The following OR11G2 variants were observed in gnomAD, a reference collection of about 807,000 sequenced individuals.
OR11G2 encodes olfactory receptor 11G2.
OR11G2 carries 2 observed loss-of-function variants against 0.9 expected under a neutral mutation model. That is an observed-to-expected ratio of 2.35 (90% CI 0.96 to 7.38). The LOEUF is 7.38. Ranked by LOEUF, OR11G2 falls within the 30% of genes most tolerant of loss-of-function variation. OR11G2 has a pLI of 0.05. For missense variants in OR11G2, 395 were observed against 371.3 expected (o/e 1.06, Z -0.52); for synonymous variants, 153 against 142.0 (o/e 1.08, Z -0.55).
At chr14:20,195,949 G>T (rs982967614) in intron 1 of OR11G2, among the ~76,000 whole-genome samples, 16 of 152,162 alleles carry the variant, frequency 1.1e-4, no homozygotes, top group African/African-American at 3.9e-4. Context: ...CTCAGCTAAA[G>T]AATAATAATT....
chr14:20,196,683 T>C (rs1879758691), intron 1 of OR11G2, among the ~76,000 whole-genome samples: 1 of 152,212 alleles, frequency 6.6e-6, no homozygotes, highest in Non-Finnish European at 1.5e-5. Flanking sequence ...TAGAATTATA[T>C]CTTTAACTAT....
intron 1 of OR11G2, among the ~76,000 whole-genome samples, chr14:20,192,243 A>T (rs1026528861): frequency 3.3e-5 from 5 of 152,158 alleles, no homozygotes; most frequent in African/African-American, 1.2e-4. Context: ...TCACCTCTAG[A>T]TCCATAAAGT....
At chr14:20,197,290 C>T in intron 1 of OR11G2, 144 bp from the exon 2 acceptor site, 3 of 1,054,436 alleles carry the variant, frequency 2.8e-6, no homozygotes, top group Admixed American at 2.7e-5. Context: ...ATTGACATAT[C>T]TGCATTCTGT....
Position 20,198,123 on chromosome 14 carries a change from T to C in OR11G2, c.686T>C (p.Val229Ala), listed in dbSNP as rs2139115106. The C allele has an allele frequency of 6.2e-7, 1 of 1,614,142 alleles. No homozygotes were observed. Among genetic ancestry groups the C allele is most frequent in the Non-Finnish European group, 8.5e-7 (1 of 1,180,008 alleles). Residue 229 changes from valine to alanine, a missense_variant, in exon 2 of 2, where the codon GTG becomes GCG. Physicochemically the swap from Val to Ala is moderately conservative, Grantham distance 64 (BLOSUM62 0). Transcript: ENST00000641879. ...VGSYALVVRA[V>A]LRVPSAAGRR... ...TCCTATGCTCTGGTCGTGAGAGCTGTGTTGAGGGTCCCTTCAGCAGCTGGG... is the reference window on the plus strand; with the variant it reads ...TCCTATGCTCTGGTCGTGAGAGCTGCGTTGAGGGTCCCTTCAGCAGCTGGG...
chr14:20,195,222 TACAAATG>T (rs1267567412), intron 1 of OR11G2, among the ~76,000 whole-genome samples: 2 of 152,148 alleles, frequency 1.3e-5, no homozygotes, highest in African/African-American at 4.8e-5. Context: ...AATCCTGAGT[TACAAATG>T]ACCTATAGGG....
At chr14:20,192,728 G>A (rs1879677786) in intron 1 of OR11G2, among the ~76,000 whole-genome samples, 1 of 152,160 alleles carries the variant, frequency 6.6e-6, no homozygotes, top group African/African-American at 2.4e-5. Flanking sequence ...CTATAACAGT[G>A]TAGACAATCA....
At position 20,200,592 on chromosome 14, in the gene OR11G2, G is replaced by A. The variant is rs1368591214; in HGVS notation, c.*2219G>A. 1 of 152,184 alleles carries A rather than the reference G, an allele frequency of 6.6e-6. No individual in the cohort carries two copies. The highest frequency in any genetic ancestry group is 1.5e-5 in the Non-Finnish European group (1 of 68,028). 9.4% of individuals were successfully genotyped at this position (152,184 alleles called of 1,614,324 possible). On this transcript the variant is annotated 3_prime_UTR_variant, in exon 2 of 2. Transcript: ENST00000641879. ...CAGCTTTACAAACTCTATATAGGGT[G>A]ACAAGGCAACCTCTATCAAAATTTA...
Position 20,191,466 on chromosome 14 carries a change from T to C in OR11G2, c.-205T>C, listed in dbSNP as rs1012779065. 6.6e-6 allele frequency: 1 copy of C among 152,228 alleles called. No homozygotes were observed. Among genetic ancestry groups the C allele is most frequent in the Non-Finnish European group, 1.5e-5 (1 of 68,052 alleles). The allele number at this position is 152,228 out of a possible 1,614,324, so 9.4% of individuals were successfully genotyped here. ...GATATAATGAGGGTGAAGCTGTTGT[T>C]TTCTTGTTTGGAAAGTTAATTGACC... On this transcript the variant is annotated 5_prime_UTR_variant, in exon 1 of 2. Coordinates refer to ENST00000641879, the MANE Select transcript of OR11G2 (RefSeq NM_001386033.1).
chr14:20,192,268 T>A (rs1386386582), intron 1 of OR11G2, among the ~76,000 whole-genome samples: 1 of 152,170 alleles, frequency 6.6e-6, no homozygotes, highest in East Asian at 1.9e-4. Context: ...ATATCATGTA[T>A]ACATGTGGGA....
rs114426928 is a variant in OR11G2 at position 20,191,570 on chromosome 14, G to A, written c.-101G>A. The A allele has an allele frequency of 5.0e-3, 758 of 152,410 alleles. 4 individuals are homozygous for A. The highest frequency in any genetic ancestry group is 0.017 in the African/African-American group (726 of 41,544). The allele number at this position is 152,410 out of a possible 1,614,324, so 9.4% of individuals were successfully genotyped here. Reference sequence around the variant, plus strand: ...TCACACTTGCTTCTGTAACCAACTCGGGGGAATCTGCCTGCCACTTTGGAC... The same window carrying A: ...TCACACTTGCTTCTGTAACCAACTCAGGGGAATCTGCCTGCCACTTTGGAC... On this transcript the variant is annotated 5_prime_UTR_variant, in exon 1 of 2. Transcript: ENST00000641879.
chr14:20,193,078 T>C (rs997344366), intron 1 of OR11G2, among the ~76,000 whole-genome samples: 2 of 152,146 alleles, frequency 1.3e-5, no homozygotes, highest in Non-Finnish European at 2.9e-5. Context: ...AAGTCCCCTC[T>C]GTTTGTTTTT....
In OR11G2 at chr14:20,197,926, T is replaced by C. The variant is rs1255676557; in HGVS notation, c.489T>C (p.Pro163=). The C allele has an allele frequency of 6.2e-7, 1 of 1,614,166 alleles. No homozygotes were observed. Among genetic ancestry groups the C allele is most frequent in the Middle Eastern group, 1.6e-4 (1 of 6,062 alleles). Residue 163 remains proline, a synonymous_variant, in exon 2 of 2, where the codon CCT becomes CCC. Transcript: ENST00000641879. The part of the protein sequence containing the change: ...WVLGFIWFLI[P]IVNISQMSFC... ...TTGGTTTCATCTGGTTCTTGATTCC[T>C]ATCGTCAACATCTCCCAAATGTCCT...
At chr14:20,194,892 G>C (rs1261038446) in intron 1 of OR11G2, among the ~76,000 whole-genome samples, 1 of 152,114 alleles carries the variant, frequency 6.6e-6, no homozygotes, top group Non-Finnish European at 1.5e-5. Context: ...AGTGAAACTG[G>C]TGCAGAGTGA....
At chr14:20,195,891 G>C (rs1424668228) in intron 1 of OR11G2, among the ~76,000 whole-genome samples, 1 of 152,144 alleles carries the variant, frequency 6.6e-6, no homozygotes, top group East Asian at 1.9e-4. Flanking sequence ...GGAGCACTGG[G>C]AGATGAGTAA....
rs768202791 is a variant in OR11G2 at position 20,198,157 on chromosome 14, G to T, written c.720G>T (p.Lys240Asn). 22 of 1,614,032 alleles carry T rather than the reference G, an allele frequency of 1.4e-5. No individual in the cohort carries two copies. In the South Asian group the frequency reaches 2.3e-4, roughly 17 times the overall value. Residue 240 changes from lysine to asparagine, a missense_variant, in exon 2 of 2, where the codon AAG becomes AAT. Physicochemically the swap from Lys to Asn is moderately conservative, Grantham distance 94. Coordinates refer to ENST00000641879, the MANE Select transcript of OR11G2 (RefSeq NM_001386033.1). ...LRVPSAAGRR[K>N]AFSTCGSHLA... ...TCCCTTCAGCAGCTGGGAGAAGAAA[G>T]GCTTTCTCCACCTGTGGGTCTCACC... is the stretch of plus-strand genomic sequence containing the variant.
At chr14:20,195,465 A>C (rs899905542) in intron 1 of OR11G2, among the ~76,000 whole-genome samples, 3 of 152,232 alleles carry the variant, frequency 2.0e-5, no homozygotes, top group African/African-American at 4.8e-5. Context: ...GCTTGAACCC[A>C]GGAGGCGGAC....
chr14:20,196,866 A>G (rs1372645905), intron 1 of OR11G2, among the ~76,000 whole-genome samples: 5 of 152,236 alleles, frequency 3.3e-5, no homozygotes, highest in Non-Finnish European at 5.9e-5. Flanking sequence ...TCATGAAACA[A>G]GTGAATGATA....
In OR11G2 at chr14:20,197,963, A is replaced by G. The variant is rs1165434991; in HGVS notation, c.526A>G (p.Arg176Gly). 2 of 1,614,018 alleles carry G rather than the reference A, an allele frequency of 1.2e-6. No homozygotes were observed. The highest frequency in any genetic ancestry group is 2.2e-5 in the East Asian group (1 of 44,864). The change falls in exon 2 of 2, where the codon AGG (arginine) becomes GGG (glycine). Residue 176 changes from arginine to glycine, a missense_variant. Coordinates refer to ENST00000641879, the MANE Select transcript of OR11G2 (RefSeq NM_001386033.1). ...NISQMSFCGS[R>G]IIDHFLCDPA... is the part of the protein sequence containing the mutation. ...CTCCCAAATGTCCTTCTGTGGATCT[A>G]GGATTATTGACCACTTCCTATGTGA...
In OR11G2 at chr14:20,198,347, G is replaced by C. The variant is rs138638085; in HGVS notation, c.910G>C (p.Ala304Pro). 3.8e-6 allele frequency: 6 copies of C among 1,566,114 alleles called. No homozygotes were observed. Among genetic ancestry groups the C allele is most frequent in the Non-Finnish European group, 4.3e-6 (5 of 1,161,058 alleles). Reference protein sequence around the residue: ...YSLRNKDMRKALKKFWGT With the variant: ...YSLRNKDMRKPLKKFWGT ...TCTTAGGAACAAAGATATGAGAAAAGCTCTGAAGAAATTTTGGGGAACATA... is the reference window on the plus strand; with the variant it reads ...TCTTAGGAACAAAGATATGAGAAAACCTCTGAAGAAATTTTGGGGAACATA... Residue 304 changes from alanine (A) to proline (P), a missense_variant, in exon 2 of 2, where the codon GCT becomes CCT. Coordinates refer to ENST00000641879, the MANE Select transcript of OR11G2 (RefSeq NM_001386033.1).
Sources: gnomAD v4.1 joint callset for allele counts (sites outside exome capture counted in the v4.1 genomes callset) on GRCh38, gnomAD v4.1.1 for gene constraint, MANE v1.5 for transcripts, NCBI Gene and HGNC (gene_info 2026-07-23, HGNC 2026-07-21) for gene names.